Variants in DAOA observed in about 807,000 individuals in gnomAD.
DAOA encodes D-amino acid oxidase regulator.
A neutral mutation model predicts 16.4 loss-of-function variants in DAOA; 15 were observed. The ratio of observed to expected loss-of-function variants is 0.91; its 90% CI spans 0.61 to 1.41. The LOEUF (loss-of-function observed/expected upper bound fraction) is 1.41, where lower values mean the gene tolerates loss of function less well. Among genes scored for constraint, DAOA ranks in the 40% most tolerant of loss-of-function variants. DAOA has a pLI of 0.00. For synonymous variants in DAOA, 75 were observed against 59.1 expected (o/e 1.27, Z -1.23); for missense variants, 230 against 176.8 (o/e 1.30, Z -1.71).
rs72549471 is a variant in DAOA at position 105,466,913 on chromosome 13, T to C, written c.45-140T>C. 342 of 1,138,128 alleles carry C rather than the reference T, an allele frequency of 3.0e-4. No homozygotes were observed. The African/African-American group carries it at 5.0e-3, about 17-fold the overall frequency. The allele number at this position is 1,138,128 out of a possible 1,614,324, so 70.5% of individuals were successfully genotyped here. A position where few individuals can be genotyped will look rare whatever the true frequency, so the allele number is the denominator to read the frequency against. On this transcript the variant is annotated intron_variant, in intron 2 of 5. Coordinates refer to ENST00000375936, the MANE Select transcript of DAOA (RefSeq NM_172370.5). ...TATAAAAATAAAAAAATAAGACGTA[T>C]TTGGCTGAATAGTTAAGATTAAAAA...
intron 4 of DAOA, among the ~76,000 whole-genome samples, chr13:105,475,514 T>A (rs1326683575): frequency 2.0e-5 from 3 of 152,112 alleles, no homozygotes; most frequent in Admixed American, 1.3e-4. Context: ...TTTTATGAGA[T>A]CCTCTAAGCA....
chr13:105,472,561 G>C lies in DAOA; in HGVS notation c.157G>C (p.Glu53Gln), dbSNP rs780275757. The change falls in exon 4 of 6, where the codon GAG (glutamate) becomes CAG (glutamine). Residue 53 changes from glutamate to glutamine, a missense_variant. By Grantham distance (29) the Glu-to-Gln change is conservative (BLOSUM62 2). Transcript: ENST00000375936. ...AGCAAAGGAGACAGAAGAAGGAAGAGAGACGGTAACAAGGAAAGAAGGATG... is the reference window on the plus strand; with the variant it reads ...AGCAAAGGAGACAGAAGAAGGAAGACAGACGGTAACAAGGAAAGAAGGATG... Reference protein sequence around the residue: ...SIAKETEEGRETVTRKEGWKR... With the variant: ...SIAKETEEGRQTVTRKEGWKR... 3 of 1,613,886 alleles carry C rather than the reference G, an allele frequency of 1.9e-6. No individual in the cohort carries two copies. The highest frequency in any genetic ancestry group is 4.5e-5 in the East Asian group (2 of 44,862).
At chr13:105,473,809 T>G (rs1255572993) in intron 4 of DAOA, among the ~76,000 whole-genome samples, 1 of 152,148 alleles carries the variant, frequency 6.6e-6, no homozygotes, top group Non-Finnish European at 1.5e-5. Flanking sequence ...TTATTTCTAC[T>G]CATTTTCAAT....
chr13:105,471,084 G>A (rs369437946), intron 3 of DAOA, among the ~76,000 whole-genome samples: 18 of 151,932 alleles, frequency 1.2e-4, no homozygotes, highest in African/African-American at 4.1e-4. Flanking sequence ...CACCGTGCCC[G>A]GCCAATTTTT....
chr13:105,477,599 C>G (rs1877427442), intron 4 of DAOA, among the ~76,000 whole-genome samples: 1 of 152,162 alleles, frequency 6.6e-6, no homozygotes, highest in South Asian at 2.1e-4. Context: ...TGGTGCATGC[C>G]TGTAGTCCCA....
intron 4 of DAOA, among the ~76,000 whole-genome samples, chr13:105,478,050 CTATGAAAT>C (rs1877461266): frequency 6.6e-6 from 1 of 152,150 alleles, no homozygotes; most frequent in Non-Finnish European, 1.5e-5. Context: ...ATAGTTAATA[CTATGAAAT>C]ATATTTGGTT....
At chr13:105,477,506 C>G (rs1289837632) in intron 4 of DAOA, among the ~76,000 whole-genome samples, 1 of 152,188 alleles carries the variant, frequency 6.6e-6, no homozygotes, top group Non-Finnish European at 1.5e-5. Context: ...AGTAGGGGAA[C>G]TGCTTGAGCC....
At position 105,490,007 on chromosome 13, in the gene DAOA, T is replaced by C; in HGVS notation, c.388T>C (p.Trp130Arg). ...KDRRQPLERM[W>R]TCNYNQQKDQ... ...CCGCAGGCAGCCTCTAGAACGAATGTGGACCTGCAACTACAACCAGCAAAA... is the reference window on the plus strand; with the variant it reads ...CCGCAGGCAGCCTCTAGAACGAATGCGGACCTGCAACTACAACCAGCAAAA... Residue 130 changes from tryptophan to arginine, a missense_variant, in exon 5 of 6, where the codon TGG becomes CGG. By Grantham distance (101) the Trp-to-Arg change is moderately radical (BLOSUM62 -3). Coordinates refer to ENST00000375936, the MANE Select transcript of DAOA (RefSeq NM_172370.5). 6.2e-7 allele frequency: 1 copy of C among 1,612,352 alleles called. No individual in the cohort carries two copies. The highest frequency in any genetic ancestry group is 8.5e-7 in the Non-Finnish European group (1 of 1,179,288).
At chr13:105,472,452 C>T (rs768212534) in intron 3 of DAOA, 86 bp from the exon 4 acceptor site, 32 of 1,422,600 alleles carry the variant, frequency 2.2e-5, no homozygotes, top group South Asian at 3.2e-5. Flanking sequence ...TTCCTACAAT[C>T]GCTCCACAGT....
chr13:105,486,850 C>T (rs1878145754), intron 4 of DAOA, among the ~76,000 whole-genome samples: 1 of 152,106 alleles, frequency 6.6e-6, no homozygotes, highest in Admixed American at 6.5e-5. Context: ...AAACTCCTGA[C>T]CTCCAGTGAT....
intron 4 of DAOA, among the ~76,000 whole-genome samples, chr13:105,488,033 T>C (rs1366982343): frequency 6.6e-6 from 1 of 152,078 alleles, no homozygotes; most frequent in Non-Finnish European, 1.5e-5. Flanking sequence ...AACTAATGGA[T>C]GTGAATAAGC....
chr13:105,478,367 G>A (rs925428290), intron 4 of DAOA, among the ~76,000 whole-genome samples: 41 of 152,256 alleles, frequency 2.7e-4, no homozygotes, highest in African/African-American at 8.9e-4. Flanking sequence ...AATTGGTATC[G>A]AGGAGTGCTG....
chr13:105,474,943 G>A (rs571461853), intron 4 of DAOA: 4 of 835,334 alleles, frequency 4.8e-6, no homozygotes, highest in East Asian at 1.2e-4. Flanking sequence ...TGTATTTCCC[G>A]TTCTGAACGA....
At chr13:105,476,497 A>C (rs1464216567) in intron 4 of DAOA, among the ~76,000 whole-genome samples, 4 of 127,778 alleles carry the variant, frequency 3.1e-5, no homozygotes, top group Non-Finnish European at 6.8e-5. Flanking sequence ...AAAAACATGA[A>C]TCTGTAAAAA....
At position 105,489,895 on chromosome 13, in the gene DAOA, T is replaced by A. The variant is rs1342187384; in HGVS notation, c.282-6T>A. 1 of 1,613,902 alleles carries A rather than the reference T, an allele frequency of 6.2e-7. No homozygotes were observed. Among genetic ancestry groups the A allele is most frequent in the Non-Finnish European group, 8.5e-7 (1 of 1,179,872 alleles). ...CCTGGCCAACTGAGACCGGATCTCC[T>A]TACAGGCTTGAAGAAGTAAGCAGCC... On this transcript the variant is annotated splice_polypyrimidine_tract_variant and splice_region_variant and intron_variant, in intron 4 of 5. Coordinates refer to ENST00000375936, the MANE Select transcript of DAOA (RefSeq NM_172370.5).
intron 4 of DAOA, among the ~76,000 whole-genome samples, chr13:105,487,428 G>T (rs1178165105): frequency 6.6e-6 from 1 of 152,112 alleles, no homozygotes; most frequent in African/African-American, 2.4e-5. Context: ...TCTGTGCTCT[G>T]TAAGAAACAG....
At chr13:105,486,652 C>G (rs1878132405) in intron 4 of DAOA, among the ~76,000 whole-genome samples, 1 of 149,702 alleles carries the variant, frequency 6.7e-6, no homozygotes, top group Admixed American at 6.7e-5. Context: ...GAGTTTCACT[C>G]TTGTTGCCCA....
In DAOA at chr13:105,467,152, C is replaced by G. The variant is rs1566371599; in HGVS notation, c.133+11C>G. The G allele has an allele frequency of 1.9e-6, 3 of 1,586,516 alleles. No individual in the cohort carries two copies. The highest frequency in any genetic ancestry group is 1.2e-5 in the South Asian group (1 of 86,042). Reference sequence around the variant, plus strand: ...CTCTAAACTCTATTGGTATGTTACTCTTTATCTTTATATGAATTTAAATTC... The same window carrying G: ...CTCTAAACTCTATTGGTATGTTACTGTTTATCTTTATATGAATTTAAATTC... On this transcript the variant is annotated intron_variant, in intron 3 of 5. Coordinates refer to ENST00000375936, the MANE Select transcript of DAOA (RefSeq NM_172370.5).
At chr13:105,473,806 T>C (rs1566375925) in intron 4 of DAOA, among the ~76,000 whole-genome samples, 2 of 152,174 alleles carry the variant, frequency 1.3e-5, no homozygotes, top group Non-Finnish European at 2.9e-5. Context: ...AGGTTATTTC[T>C]ACTCATTTTC....
Sources: gnomAD v4.1 joint callset for allele counts (sites outside exome capture counted in the v4.1 genomes callset) on GRCh38, gnomAD v4.1.1 for gene constraint, MANE v1.5 for transcripts, NCBI Gene and HGNC (gene_info 2026-07-23, HGNC 2026-07-21) for gene names.